LDLRAD3: variants seen among roughly 807,000 people sequenced by gnomAD.
LDLRAD3 encodes low-density lipoprotein receptor class A domain-containing protein 3.
In LDLRAD3, 20 loss-of-function variants were observed where a neutral mutation model predicts 29.4. The ratio of observed to expected loss-of-function variants is 0.68; its 90% confidence interval spans 0.48 to 0.99. LDLRAD3 has a LOEUF of 0.99. Ranked by LOEUF, LDLRAD3 falls within the 50% of genes least tolerant of loss-of-function variation. LDLRAD3 has a pLI of 0.00. For synonymous variants in LDLRAD3, 157 were observed against 192.7 expected, an observed-to-expected ratio of 0.81 and a Z score of 1.53; for missense variants, 420 against 454.3, an observed-to-expected ratio of 0.92 and a Z score of 0.69.
intron 2 of LDLRAD3, among the ~76,000 whole-genome samples, chr11:36,041,155 G>A (rs888988295): frequency 1.3e-5 from 2 of 152,176 alleles, no homozygotes; most frequent in Non-Finnish European, 2.9e-5. Context: ...TAAAGATAAT[G>A]TTTTACAAAA....
At chr11:36,129,960 G>T (rs187583999) in intron 4 of LDLRAD3, among the ~76,000 whole-genome samples, 2 of 152,294 alleles carry the variant, frequency 1.3e-5, no homozygotes, top group Admixed American at 1.3e-4. Context: ...AAAGCTCCAG[G>T]AGGGAACTTC....
At chr11:35,955,065 C>T (rs12791030) in intron 1 of LDLRAD3, among the ~76,000 whole-genome samples, 3 of 151,988 alleles carry the variant, frequency 2.0e-5, no homozygotes, top group African/African-American at 7.3e-5. Context: ...GCCAACATGG[C>T]GAAACATCAT....
chr11:36,230,261 A>C lies in LDLRAD3; in HGVS notation c.*864A>C, dbSNP rs11551023. On this transcript the variant is annotated 3_prime_UTR_variant, in exon 6 of 6. Transcript: ENST00000315571. ...CCAGCTGACCTGCCCGTAGCCAAGG[A>C]ATGAGGACCTAACTTGAGTTGGCCC... 0.063 allele frequency: 9,545 copies of C among 152,316 alleles called. 418 individuals are homozygous for C. The highest frequency in any genetic ancestry group is 0.2 in the East Asian group (1,044 of 5,158). The allele number at this position is 152,316 out of a possible 1,614,324, so 9.4% of individuals were successfully genotyped here. A position where few individuals can be genotyped will look rare whatever the true frequency, so the allele number is the denominator to read the frequency against.
chr11:36,191,011 C>T (rs1239911882), intron 4 of LDLRAD3, among the ~76,000 whole-genome samples: 2 of 152,134 alleles, frequency 1.3e-5, no homozygotes, highest in East Asian at 3.9e-4. Context: ...TCATACAGTC[C>T]TTTCAAGAAG....
chr11:36,032,575 A>C (rs1852249135), intron 1 of LDLRAD3, among the ~76,000 whole-genome samples: 1 of 152,168 alleles, frequency 6.6e-6, no homozygotes, highest in Admixed American at 6.5e-5. Context: ...ATGACTCTTC[A>C]TTGTGGGGGC....
At chr11:36,173,080 T>C (rs1014674153) in intron 4 of LDLRAD3, among the ~76,000 whole-genome samples, 22 of 152,182 alleles carry the variant, frequency 1.4e-4, no homozygotes, top group African/African-American at 5.3e-4. Context: ...CAAAAATTTA[T>C]CCATCTCCTC....
intron 4 of LDLRAD3, among the ~76,000 whole-genome samples, chr11:36,147,596 T>C (rs1854216621): frequency 6.6e-6 from 1 of 152,196 alleles, no homozygotes; most frequent in South Asian, 2.1e-4. Flanking sequence ...AGGGACACAG[T>C]TCAACCCCCT....
intron 1 of LDLRAD3, among the ~76,000 whole-genome samples, chr11:36,018,590 A>T (rs1003585235): frequency 6.6e-6 from 1 of 152,180 alleles, no homozygotes; most frequent in African/African-American, 2.4e-5. Context: ...GCATTTATAT[A>T]TTTCTAAGGC....
At chr11:35,948,803 G>C (rs1245773266) in intron 1 of LDLRAD3, among the ~76,000 whole-genome samples, 1 of 152,088 alleles carries the variant, frequency 6.6e-6, no homozygotes, top group African/African-American at 2.4e-5. Flanking sequence ...CCTTGGCCTG[G>C]ATAGTTCTTT....
intron 4 of LDLRAD3, among the ~76,000 whole-genome samples, chr11:36,180,830 G>A (rs774207705): frequency 1.5e-4 from 23 of 152,254 alleles, no homozygotes; most frequent in Middle Eastern, 3.4e-3. Context: ...GGTCAGTGCG[G>A]GCCATGCTTG....
chr11:36,148,558 CTG>C (rs1854231335), intron 4 of LDLRAD3, among the ~76,000 whole-genome samples: 1 of 152,114 alleles, frequency 6.6e-6, no homozygotes, highest in Admixed American at 6.6e-5. Context: ...TCAGTCTATC[CTG>C]TGTTTAGAGT....
intron 1 of LDLRAD3, among the ~76,000 whole-genome samples, chr11:35,955,243 T>TCAAAA (rs796744097): frequency 1.8e-4 from 27 of 152,218 alleles, no homozygotes; most frequent in African/African-American, 5.8e-4. Context: ...AGACTCTCTC[T>TCAAAA]CAAAACAAAA....
intron 1 of LDLRAD3, among the ~76,000 whole-genome samples, chr11:36,009,615 A>T (rs1851929689): frequency 6.6e-6 from 1 of 152,186 alleles, no homozygotes; most frequent in Non-Finnish European, 1.5e-5. Context: ...AATCACTGTC[A>T]TGCACCCTTA....
Position 36,228,161 on chromosome 11 carries a change from T to C in LDLRAD3, c.800+731T>C, listed in dbSNP as rs377660093. Among the ~76,000 whole-genome samples, 14 of 152,346 alleles carry C rather than the reference T, an allele frequency of 9.2e-5. No homozygotes were observed. The South Asian group carries it at 2.5e-3, about 27-fold the overall frequency. ...CTGCCGTGTATGGCATTAGACATTT[T>C]GCTGGCCGTGTTCTGATGGTGACTG... On this transcript the variant is annotated intron_variant, in intron 5 of 5. Transcript: ENST00000315571.
chr11:36,120,231 C>T (rs191210271), intron 4 of LDLRAD3, among the ~76,000 whole-genome samples: 35 of 152,186 alleles, frequency 2.3e-4, no homozygotes, highest in African/African-American at 7.7e-4. Flanking sequence ...TGGGACAAGC[C>T]GAAGCTGTAT....
intron 1 of LDLRAD3, among the ~76,000 whole-genome samples, chr11:36,020,688 T>C (rs262427): frequency 0.45 from 68,155 of 151,914 alleles, 16,691 homozygotes; most frequent in Admixed American, 0.55. Context: ...TTGAGAGGTC[T>C]GAGTGGGGGC....
At chr11:36,043,624 T>G (rs779073299) in intron 2 of LDLRAD3, among the ~76,000 whole-genome samples, 6 of 152,156 alleles carry the variant, frequency 3.9e-5, no homozygotes, top group Non-Finnish European at 8.8e-5. Context: ...GACGATAATA[T>G]GAAGATAGGA....
At chr11:36,079,618 C>T (rs1020587696) in intron 2 of LDLRAD3, among the ~76,000 whole-genome samples, 2 of 151,986 alleles carry the variant, frequency 1.3e-5, no homozygotes, top group South Asian at 2.1e-4. Context: ...GATTTGTTAG[C>T]GAAAGTACAA....
At position 36,227,263 on chromosome 11, in the gene LDLRAD3, GCAGCACCCTGTGCTGCT is replaced by G; in HGVS notation, c.634_650del (p.Gln212ValfsTer20). ...TCATGACGCTGCCCGTGCACCGGCT[GCAGCACCCTGTGCTGCT>G]GTCCCGCCTGGTGGTCCTGGACCAC... On this transcript the variant is annotated frameshift_variant, in exon 5 of 6. Coordinates refer to ENST00000315571, the MANE Select transcript of LDLRAD3 (RefSeq NM_174902.4). LOFTEE classifies it high-confidence loss of function. 6.2e-7 allele frequency: 1 copy of G among 1,614,168 alleles called. No individual in the cohort carries two copies. The highest frequency in any genetic ancestry group is 8.5e-7 in the Non-Finnish European group (1 of 1,180,034).
Sources: allele counts gnomAD v4.1 joint callset (sites outside exome capture counted in the v4.1 genomes callset), GRCh38; gene constraint gnomAD v4.1.1; transcripts MANE v1.5; gene names NCBI Gene and HGNC (gene_info 2026-07-23, HGNC 2026-07-21).